The following CFAP69 variants were observed in gnomAD, a reference collection of about 807,000 sequenced individuals.
CFAP69 encodes cilia and flagella associated protein 69.
In CFAP69, 92 loss-of-function variants were observed where a neutral mutation model predicts 123.0. The observed-to-expected ratio is 0.75, with a 90% CI of 0.63 to 0.89. CFAP69 has a LOEUF of 0.89. Among genes scored for constraint, CFAP69 ranks in the 40% least tolerant of loss-of-function variants. The probability of loss-of-function intolerance (pLI) is 0.00; values close to 1 mark genes in which losing one functional copy is unlikely to be tolerated. For missense variants in CFAP69, 1,067 were observed against 1,096.9 expected (o/e 0.97, Z 0.39); for synonymous variants, 380 against 364.3 (o/e 1.04, Z -0.49).
At chr7:90,255,146 G>C (rs1013490444) in intron 1 of CFAP69, among the ~76,000 whole-genome samples, 1 of 152,184 alleles carries the variant, frequency 6.6e-6, no homozygotes, top group Admixed American at 6.5e-5. Context: ...ACTTATGGAA[G>C]TACTATTATT....
At chr7:90,296,742 T>C (rs772971106) in intron 15 of CFAP69, among the ~76,000 whole-genome samples, 38 of 152,288 alleles carry the variant, frequency 2.5e-4, no homozygotes, top group Non-Finnish European at 2.8e-4. Context: ...AGGTGTGCAT[T>C]GGTTTGATTC....
At chr7:90,250,123 G>A (rs1317117547) in intron 1 of CFAP69, among the ~76,000 whole-genome samples, 1 of 151,024 alleles carries the variant, frequency 6.6e-6, no homozygotes, top group Non-Finnish European at 1.5e-5. Flanking sequence ...CAGGAGGATC[G>A]CTTGAGCCTA....
At chr7:90,313,375 G>A (rs1414902700), downstream of CFAP69, among the ~76,000 whole-genome samples, 1 of 152,104 alleles carries the variant, frequency 6.6e-6, no homozygotes, top group African/African-American at 2.4e-5. Flanking sequence ...TGCCTTTCAA[G>A]GAAAATGTCA....
At chr7:90,297,669 T>C in intron 15 of CFAP69, 80 bp from the exon 16 acceptor site, 1 of 831,542 alleles carries the variant, frequency 1.2e-6, no homozygotes, top group Non-Finnish European at 1.9e-6. Context: ...TCTTTGAAAA[T>C]GCTTTGATAA....
At chr7:90,280,356 C>T (rs1789291158) in intron 12 of CFAP69, among the ~76,000 whole-genome samples, 1 of 152,116 alleles carries the variant, frequency 6.6e-6, no homozygotes, top group African/African-American at 2.4e-5. Context: ...TGCCACCACA[C>T]GAAGCTAATT....
chr7:90,278,518 G>T (rs1385500634), intron 11 of CFAP69, among the ~76,000 whole-genome samples: 4 of 152,060 alleles, frequency 2.6e-5, no homozygotes, highest in Non-Finnish European at 5.9e-5. Flanking sequence ...ATAAAGTATG[G>T]TTTATTATTC....
intron 21 of CFAP69, 117 bp from the exon 22 acceptor site, chr7:90,309,146 A>G: frequency 2.0e-6 from 1 of 500,888 alleles, no homozygotes; most frequent in Non-Finnish European, 3.5e-6. Context: ...TTTCAGCGCT[A>G]TCTAATAAAC....
At chr7:90,301,731 A>G (rs1411728267) in intron 17 of CFAP69, 2 of 152,132 alleles carry the variant, frequency 1.3e-5, no homozygotes, top group African/African-American at 2.4e-5. Context: ...GTCTGTCATG[A>G]TGGGCATTTA....
intron 1 of CFAP69, among the ~76,000 whole-genome samples, chr7:90,252,748 A>T (rs199896131): frequency 6.6e-6 from 1 of 152,222 alleles, no homozygotes; most frequent in East Asian, 1.9e-4. Context: ...TAAAGTTAGC[A>T]TGTTTCATTA....
At position 90,288,230 on chromosome 7, in the gene CFAP69, A is replaced by G. The variant is rs1790591465; in HGVS notation, c.1657-4A>G. Reference sequence around the variant, plus strand: ...AAATAATTTAAAACAAATATCTTAAACAGGAAATTTTCGGAACTGAAGGAG... The same window carrying G: ...AAATAATTTAAAACAAATATCTTAAGCAGGAAATTTTCGGAACTGAAGGAG... On this transcript the variant is annotated splice_region_variant and splice_polypyrimidine_tract_variant and intron_variant, in intron 14 of 22. Transcript: ENST00000389297. 1 of 1,598,984 alleles carries G rather than the reference A, an allele frequency of 6.3e-7. No individual in the cohort carries two copies. The highest frequency in any genetic ancestry group is 8.6e-7 in the Non-Finnish European group (1 of 1,168,680).
chr7:90,295,564 G>A (rs542219563), intron 15 of CFAP69, among the ~76,000 whole-genome samples: 5 of 152,140 alleles, frequency 3.3e-5, no homozygotes, highest in South Asian at 2.1e-4. Context: ...CCTTTGAGTC[G>A]GGGGTTTTCT....
downstream of CFAP69, among the ~76,000 whole-genome samples, chr7:90,314,716 T>C (rs2117538734): frequency 6.6e-6 from 1 of 151,400 alleles, no homozygotes; most frequent in African/African-American, 2.4e-5. Context: ...TTTTACAGTT[T>C]GGTATTTTTT....
At chr7:90,269,738 A>G (rs1799684420) in intron 6 of CFAP69, among the ~76,000 whole-genome samples, 2 of 152,182 alleles carry the variant, frequency 1.3e-5, no homozygotes, top group African/African-American at 4.8e-5. Context: ...GAATGCAGAC[A>G]TATCTTAAGA....
At chr7:90,299,508 G>T (rs1400595650) in intron 16 of CFAP69, among the ~76,000 whole-genome samples, 1 of 152,100 alleles carries the variant, frequency 6.6e-6, no homozygotes, top group South Asian at 2.1e-4. Flanking sequence ...AAATTGGAAA[G>T]ATCCTGTAAT....
rs1584409878 is a variant in CFAP69 at position 90,273,846 on chromosome 7, C to G, written c.861-141C>G. 3 of 574,286 alleles carry G rather than the reference C, an allele frequency of 5.2e-6. No homozygotes were observed. In the East Asian group the frequency reaches 1.0e-4, roughly 20 times the overall value. The allele number at this position is 574,286 out of a possible 1,614,324, so 35.6% of individuals were successfully genotyped here. ...CTTTTATAAGGGCACTAATTCCATT[C>G]ATGAGGGCTCATTACCTCCCTAAGG... On this transcript the variant is annotated intron_variant, in intron 8 of 22. Coordinates refer to ENST00000389297, the MANE Select transcript of CFAP69 (RefSeq NM_001039706.3).
rs747019792 is a variant in CFAP69 at position 90,307,782 on chromosome 7, C to T, written c.2478C>T (p.His826=). 5 of 1,605,382 alleles carry T rather than the reference C, an allele frequency of 3.1e-6. No individual in the cohort carries two copies. In the Admixed American group the frequency reaches 8.5e-5, roughly 27 times the overall value. ...QKVYAKIQAT[H]KQRELANKSW... ...TCTCATTTCAGATACAGGCCACGCA[C>T]AAGCAAAGAGAGCTGGCTAATAAAT... The change falls in exon 21 of 23, where the codon CAC becomes CAT. Residue 826 remains histidine (H), a synonymous_variant. Transcript: ENST00000389297.
intron 16 of CFAP69, 56 bp downstream of exon 16, chr7:90,297,886 G>T (rs142780625): frequency 2.6e-6 from 3 of 1,135,024 alleles, no homozygotes; most frequent in South Asian, 2.8e-5. Context: ...ATTAAAGGCC[G>T]TTTCCAAACT....
At chr7:90,250,183 G>A (rs1393140553) in intron 1 of CFAP69, among the ~76,000 whole-genome samples, 2 of 94,036 alleles carry the variant, frequency 2.1e-5, no homozygotes, top group East Asian at 2.6e-4. Context: ...ACTCTTTAAA[G>A]AGAGGAGAGA....
chr7:90,317,017 A>G, the CFAP69 span: 4 of 152,000 alleles, frequency 2.6e-5, no homozygotes, highest in Non-Finnish European at 5.9e-5. Flanking sequence ...TTTGAGGAAA[A>G]CTGTAATACT....
Sources: allele counts gnomAD v4.1 joint callset (sites outside exome capture counted in the v4.1 genomes callset), GRCh38; gene constraint gnomAD v4.1.1; transcripts MANE v1.5; gene names NCBI Gene and HGNC (gene_info 2026-07-23, HGNC 2026-07-21).